LRP1B: variants seen among roughly 807,000 people sequenced by gnomAD.
LRP1B encodes low-density lipoprotein receptor-related protein 1B.
Under a neutral mutation model 556.6 loss-of-function variants are expected in LRP1B, and 217 were observed. The ratio of observed to expected loss-of-function variants is 0.39; its 90% CI spans 0.35 to 0.44. The LOEUF (loss-of-function observed/expected upper bound fraction) is 0.44, where lower values mean the gene tolerates loss of function less well. Ranked by LOEUF, LRP1B falls within the 20% of genes least tolerant of loss-of-function variation. The pLI is 1.00. For synonymous variants in LRP1B, 2,047 were observed against 1,865.8 expected, an observed-to-expected ratio of 1.10 and a Z score of -2.50; for missense variants, 5,053 against 5,620.8, an observed-to-expected ratio of 0.90 and a Z score of 3.23.
rs115570709 is a variant in LRP1B at position 140,977,494 on chromosome 2, C to T, written c.2887+4666G>A. ...CTTAAATTAATTTTGCATATATAGA[C>T]ATTCTTACGTTACATAGTGCACAGA... On this transcript the variant is annotated intron_variant, in intron 18 of 90. Coordinates refer to ENST00000389484, the MANE Select transcript of LRP1B (RefSeq NM_018557.3). Among the ~76,000 whole-genome samples, 830 of 152,252 alleles carry T rather than the reference C, an allele frequency of 5.5e-3. 10 individuals carry two copies. The highest frequency in any genetic ancestry group is 0.019 in the African/African-American group (789 of 41,536).
chr2:140,420,374 G>T (rs2105264592), intron 66 of LRP1B, among the ~76,000 whole-genome samples: 1 of 152,282 alleles, frequency 6.6e-6, no homozygotes, highest in East Asian at 1.9e-4. Context: ...AAATTTAAAT[G>T]AAGGAGTTGT....
intron 34 of LRP1B, 150 bp from the exon 35 acceptor site, chr2:140,769,494 A>G: frequency 1.5e-6 from 1 of 686,748 alleles, no homozygotes; most frequent in Non-Finnish European, 2.2e-6. Flanking sequence ...TGTGTACTAC[A>G]CTTCCTGACT....
At chr2:140,964,395 T>TC (rs907793108) in intron 18 of LRP1B, among the ~76,000 whole-genome samples, 2 of 151,938 alleles carry the variant, frequency 1.3e-5, no homozygotes, top group East Asian at 2.0e-4. Flanking sequence ...TTCTCTAAAC[T>TC]CCCCCAGGGA....
intron 18 of LRP1B, among the ~76,000 whole-genome samples, 177 bp from the exon 19 acceptor site, chr2:140,952,117 C>T (rs963421767): frequency 1.5e-4 from 23 of 152,144 alleles, no homozygotes; most frequent in Admixed American, 1.2e-3. Flanking sequence ...GACACACATA[C>T]TTTTAATATA....
intron 2 of LRP1B, among the ~76,000 whole-genome samples, chr2:141,709,797 A>C (rs1692289729): frequency 6.6e-6 from 1 of 151,798 alleles, no homozygotes; most frequent in South Asian, 2.1e-4. Context: ...TCGGTGTCTT[A>C]GTTTCTTTGT....
intron 41 of LRP1B, among the ~76,000 whole-genome samples, chr2:140,650,388 G>A (rs561321113): frequency 6.7e-6 from 1 of 150,156 alleles, no homozygotes; most frequent in African/African-American, 2.4e-5. Flanking sequence ...TCACTCTGTT[G>A]CCTAGGCTGG....
At chr2:141,663,447 C>T (rs574037530) in intron 2 of LRP1B, among the ~76,000 whole-genome samples, 2 of 151,008 alleles carry the variant, frequency 1.3e-5, no homozygotes, top group South Asian at 4.2e-4. Flanking sequence ...ACTAGCTAGA[C>T]TAATAAAGAA....
intron 3 of LRP1B, among the ~76,000 whole-genome samples, chr2:141,370,262 C>T (rs1689183120): frequency 6.6e-6 from 1 of 152,152 alleles, no homozygotes. Flanking sequence ...TACATTCCCA[C>T]CAACAGTATA....
intron 2 of LRP1B, among the ~76,000 whole-genome samples, chr2:141,590,257 A>G (rs1292477651): frequency 6.6e-6 from 1 of 152,232 alleles, no homozygotes; most frequent in Non-Finnish European, 1.5e-5. Flanking sequence ...CTTAGATAAC[A>G]TGAAACATAT....
chr2:141,279,639 A>C (rs1041943395), intron 3 of LRP1B, among the ~76,000 whole-genome samples: 7 of 152,056 alleles, frequency 4.6e-5, no homozygotes, highest in Non-Finnish European at 8.8e-5. Context: ...TGAAAACTAC[A>C]TGTCTGTCAT....
chr2:141,463,939 C>T (rs1045348240), intron 3 of LRP1B, among the ~76,000 whole-genome samples: 7 of 150,466 alleles, frequency 4.7e-5, no homozygotes, highest in Middle Eastern at 3.5e-3. Flanking sequence ...AAATCCTGTG[C>T]TATGTATAAA....
chr2:141,515,369 C>T (rs1032240984), intron 2 of LRP1B, among the ~76,000 whole-genome samples: 16 of 151,292 alleles, frequency 1.1e-4, no homozygotes, highest in Non-Finnish European at 2.4e-4. Flanking sequence ...ATGACCAAAT[C>T]TCCTGCAGTC....
At chr2:141,800,893 G>A (rs113636647) in intron 2 of LRP1B, among the ~76,000 whole-genome samples, 1,616 of 152,202 alleles carry the variant, frequency 0.011, 34 homozygotes, top group African/African-American at 0.037. Flanking sequence ...TCTAGTTTTT[G>A]TAAATAAAAA....
At chr2:141,105,149 G>T (rs1396187523) in intron 7 of LRP1B, among the ~76,000 whole-genome samples, 1 of 151,990 alleles carries the variant, frequency 6.6e-6, no homozygotes, top group Non-Finnish European at 1.5e-5. Flanking sequence ...ATTTCATATA[G>T]CTGGGATGAA....
intron 35 of LRP1B, among the ~76,000 whole-genome samples, chr2:140,717,658 C>G (rs1283203027): frequency 6.6e-6 from 1 of 152,062 alleles, no homozygotes; most frequent in African/African-American, 2.4e-5. Flanking sequence ...AATAAATTTG[C>G]CAGCAACTAA....
intron 23 of LRP1B, among the ~76,000 whole-genome samples, chr2:140,896,190 A>T (rs1693947904): frequency 6.6e-6 from 1 of 152,128 alleles, no homozygotes; most frequent in African/African-American, 2.4e-5. Flanking sequence ...AATTATTAAT[A>T]AATGAATTAA....
intron 60 of LRP1B, among the ~76,000 whole-genome samples, chr2:140,464,195 AAAT>A (rs931673826): frequency 4.6e-5 from 7 of 150,826 alleles, no homozygotes; most frequent in Admixed American, 1.3e-4. Context: ...GACTTGTCTC[AAAT>A]AATAATAATA....
intron 2 of LRP1B, among the ~76,000 whole-genome samples, chr2:141,672,396 G>T (rs1279989846): frequency 2.0e-5 from 3 of 152,178 alleles, no homozygotes; most frequent in African/African-American, 7.2e-5. Flanking sequence ...GTCATCAGGA[G>T]ATAGATGGAG....
intron 41 of LRP1B, among the ~76,000 whole-genome samples, chr2:140,672,439 G>A (rs568578901): frequency 3.0e-5 from 4 of 133,976 alleles, no homozygotes; most frequent in South Asian, 2.4e-4. Flanking sequence ...AGCAGAAATC[G>A]CACCATTGCA....
Sources: gnomAD v4.1 joint callset for allele counts (sites outside exome capture counted in the v4.1 genomes callset) on GRCh38, gnomAD v4.1.1 for gene constraint, MANE v1.5 for transcripts, NCBI Gene and HGNC (gene_info 2026-07-23, HGNC 2026-07-21) for gene names.